Variants in FBXL17 observed in about 807,000 individuals in gnomAD.
The protein encoded by FBXL17 is F-box/LRR-repeat protein 17.
A neutral mutation model predicts 66.2 loss-of-function variants in FBXL17; 22 were observed. That is an observed-to-expected ratio of 0.33 (90% CI 0.24 to 0.47). FBXL17 has a LOEUF of 0.47. FBXL17 is among the 20% of genes least tolerant of loss of function. FBXL17 has a pLI of 1.00. For synonymous variants in FBXL17, 474 were observed against 400.5 expected, an observed-to-expected ratio of 1.18 and a Z score of -2.19; for missense variants, 878 against 948.2, an observed-to-expected ratio of 0.93 and a Z score of 0.97.
chr5:108,318,440 G>A (rs1021698262), intron 4 of FBXL17, among the ~76,000 whole-genome samples: 8 of 151,424 alleles, frequency 5.3e-5, no homozygotes, highest in African/African-American at 1.9e-4. Context: ...ATCCAATACT[G>A]TTAAAAAACA....
intron 7 of FBXL17, 84 bp downstream of exon 7, chr5:108,020,841 G>A: frequency 1.0e-6 from 1 of 970,644 alleles, no homozygotes; most frequent in Non-Finnish European, 1.6e-6. Flanking sequence ...CTATGATATA[G>A]TTCTTGATTT....
At chr5:108,116,097 A>T (rs545431786) in intron 6 of FBXL17, among the ~76,000 whole-genome samples, 1 of 152,192 alleles carries the variant, frequency 6.6e-6, no homozygotes, top group Non-Finnish European at 1.5e-5. Context: ...CAAAATCCCC[A>T]TAGAAAGAAT....
intron 6 of FBXL17, among the ~76,000 whole-genome samples, chr5:108,149,441 C>A (rs1751683839): frequency 6.6e-6 from 1 of 152,178 alleles, no homozygotes; most frequent in South Asian, 2.1e-4. Flanking sequence ...TCTCATTTCT[C>A]ATTATCCCCT....
chr5:108,259,058 G>C (rs964689338), intron 4 of FBXL17, among the ~76,000 whole-genome samples: 11 of 151,984 alleles, frequency 7.2e-5, no homozygotes, highest in Admixed American at 7.2e-4. Context: ...AAAAGTGGCA[G>C]GTTTTTTCTC....
chr5:108,310,642 A>G (rs1759069781), intron 4 of FBXL17, among the ~76,000 whole-genome samples: 2 of 152,214 alleles, frequency 1.3e-5, no homozygotes. Context: ...TGTTTCAAGA[A>G]ATAACTTAGA....
At chr5:107,877,330 A>G (rs939409229) in intron 8 of FBXL17, among the ~76,000 whole-genome samples, 3 of 152,090 alleles carry the variant, frequency 2.0e-5, no homozygotes, top group Non-Finnish European at 4.4e-5. Context: ...ATCCAAGTAC[A>G]TGTTGCTTTC....
intron 4 of FBXL17, among the ~76,000 whole-genome samples, chr5:108,272,244 T>G (rs1757303543): frequency 6.6e-6 from 1 of 151,616 alleles, no homozygotes; most frequent in South Asian, 2.1e-4. Context: ...TGACCCGAGA[T>G]CGCGCCACCG....
At chr5:108,316,735 TGA>T (rs1759382154) in intron 4 of FBXL17, among the ~76,000 whole-genome samples, 1 of 151,216 alleles carries the variant, frequency 6.6e-6, no homozygotes, top group South Asian at 2.1e-4. Flanking sequence ...AAGCAAGTCA[TGA>T]ACCAGATAAC....
At chr5:108,075,168 T>C (rs1748494749) in intron 6 of FBXL17, among the ~76,000 whole-genome samples, 1 of 152,228 alleles carries the variant, frequency 6.6e-6, no homozygotes. Context: ...TGTTTCTTTA[T>C]GGACTCCACC....
chr5:108,356,213 C>T (rs959096094), intron 3 of FBXL17, among the ~76,000 whole-genome samples: 1 of 151,936 alleles, frequency 6.6e-6, no homozygotes, highest in East Asian at 1.9e-4. Context: ...ATGTACCTAA[C>T]AAGAGAGCAT....
intron 7 of FBXL17, among the ~76,000 whole-genome samples, chr5:107,937,693 C>T (rs1750958054): frequency 6.6e-6 from 1 of 152,006 alleles, no homozygotes; most frequent in Non-Finnish European, 1.5e-5. Flanking sequence ...TATTTCTGGG[C>T]GAATGGTAGG....
At chr5:108,046,705 T>C (rs1223189800) in intron 6 of FBXL17, among the ~76,000 whole-genome samples, 2 of 152,220 alleles carry the variant, frequency 1.3e-5, no homozygotes, top group African/African-American at 2.4e-5. Context: ...ATATAAACCT[T>C]ACTCCTCTTT....
intron 7 of FBXL17, among the ~76,000 whole-genome samples, chr5:107,962,082 C>G (rs1751934919): frequency 6.6e-6 from 1 of 152,064 alleles, no homozygotes; most frequent in South Asian, 2.1e-4. Flanking sequence ...AAAGGAAGAA[C>G]CATTTTAAGA....
intron 4 of FBXL17, among the ~76,000 whole-genome samples, chr5:108,280,177 G>C (rs1039007766): frequency 3.3e-5 from 5 of 151,984 alleles, no homozygotes; most frequent in Non-Finnish European, 5.9e-5. Flanking sequence ...ATTATATCAG[G>C]CTATCTAAAG....
At chr5:108,068,400 C>G (rs184714260) in intron 6 of FBXL17, among the ~76,000 whole-genome samples, 1 of 142,500 alleles carries the variant, frequency 7.0e-6, no homozygotes, top group East Asian at 2.1e-4. Context: ...AAAAAGTACT[C>G]TTTATACCCA....
At chr5:108,023,842 T>C (rs893043301) in intron 6 of FBXL17, among the ~76,000 whole-genome samples, 1 of 152,038 alleles carries the variant, frequency 6.6e-6, no homozygotes, top group Admixed American at 6.6e-5. Flanking sequence ...CTGATACCAA[T>C]AAAAGAGAGA....
At chr5:108,097,842 C>T (rs1388613451) in intron 6 of FBXL17, among the ~76,000 whole-genome samples, 1 of 151,910 alleles carries the variant, frequency 6.6e-6, no homozygotes, top group Non-Finnish European at 1.5e-5. Context: ...TAGTGTCTCT[C>T]TTTCCATAAC....
intron 4 of FBXL17, among the ~76,000 whole-genome samples, chr5:108,336,769 G>C (rs749163710): frequency 6.6e-6 from 1 of 151,946 alleles, no homozygotes; most frequent in Non-Finnish European, 1.5e-5. Flanking sequence ...CATTCTTCTT[G>C]TATGAATGTT....
intron 5 of FBXL17, among the ~76,000 whole-genome samples, chr5:108,196,205 C>T (rs962983916): frequency 6.6e-6 from 1 of 151,338 alleles, no homozygotes; most frequent in Non-Finnish European, 1.5e-5. Flanking sequence ...ACAGCCTAGC[C>T]CAATTCTTTA....
Sources: allele counts gnomAD v4.1 joint callset (sites outside exome capture counted in the v4.1 genomes callset), GRCh38; gene constraint gnomAD v4.1.1; transcripts MANE v1.5; gene names NCBI Gene and HGNC (gene_info 2026-07-23, HGNC 2026-07-21).